The following RUNX1 variants were observed in gnomAD, a reference collection of about 807,000 sequenced individuals.
RUNX1 encodes the protein runt-related transcription factor 1.
RUNX1 carries 19 observed loss-of-function variants against 42.8 expected under a neutral mutation model. The observed-to-expected ratio is 0.44, with a 90% CI of 0.31 to 0.65. The LOEUF is 0.65. Ranked by LOEUF, RUNX1 falls within the 30% of genes least tolerant of loss-of-function variation. The pLI is 0.07. For synonymous variants in RUNX1, 271 were observed against 289.4 expected, an observed-to-expected ratio of 0.94 and a Z score of 0.64; for missense variants, 528 against 672.0, an observed-to-expected ratio of 0.79 and a Z score of 2.37.
rs2058003198 is a variant in RUNX1 at position 34,887,005 on chromosome 21, G to C, written c.189C>G (p.Ala63=). ...SEALPLGAPD[A]GAALAGKLRS... is the part of the protein sequence containing the mutation. Reference sequence around the variant, plus strand: ...TCAGCTTGCCGGCCAGGGCAGCGCCGGCGTCCGGGGCGCCCAGCGGCAACG... The same window carrying C: ...TCAGCTTGCCGGCCAGGGCAGCGCCCGCGTCCGGGGCGCCCAGCGGCAACG... The change falls in exon 4 of 9, where the codon GCC becomes GCG. Residue 63 remains alanine (A), a synonymous_variant. Transcript: ENST00000675419. The C allele has an allele frequency of 2.5e-6, 4 of 1,602,920 alleles. No homozygotes were observed. Among genetic ancestry groups the C allele is most frequent in the Non-Finnish European group, 3.4e-6 (4 of 1,177,774 alleles).
At chr21:35,002,430 T>A (rs868561408) in intron 2 of RUNX1, among the ~76,000 whole-genome samples, 4 of 148,226 alleles carry the variant, frequency 2.7e-5, no homozygotes, top group East Asian at 2.0e-4. Flanking sequence ...TTATTTATTA[T>A]TTATTTATTT....
chr21:34,976,349 C>A (rs749478375), intron 2 of RUNX1, among the ~76,000 whole-genome samples: 7 of 152,032 alleles, frequency 4.6e-5, no homozygotes, highest in Non-Finnish European at 1.0e-4. Context: ...CACTATCCTT[C>A]CAGGAGAAAA....
intron 2 of RUNX1, among the ~76,000 whole-genome samples, chr21:34,955,162 T>C (rs2058635506): frequency 6.6e-6 from 1 of 152,164 alleles, no homozygotes; most frequent in Admixed American, 6.5e-5. Context: ...ACAGGACTAT[T>C]ACACTGCAAA....
intron 7 of RUNX1, among the ~76,000 whole-genome samples, chr21:34,807,698 C>T (rs1330092669): frequency 6.6e-6 from 1 of 152,196 alleles, no homozygotes; most frequent in Non-Finnish European, 1.5e-5. Context: ...TGACTCAGGA[C>T]TCAGAGATGT....
intron 7 of RUNX1, among the ~76,000 whole-genome samples, chr21:34,809,325 T>C (rs1005838925): frequency 6.6e-6 from 1 of 152,066 alleles, no homozygotes; most frequent in African/African-American, 2.4e-5. Context: ...TTGAAAAACA[T>C]GAGCCAGAAA....
rs953704220 is a variant in RUNX1 at position 34,788,424 on chromosome 21, G to A, written c.*3711C>T. The A allele has an allele frequency of 4.3e-6, 1 of 232,874 alleles. No homozygotes were observed. Among genetic ancestry groups the A allele is most frequent in the Non-Finnish European group, 8.5e-6 (1 of 117,776 alleles). 14.4% of individuals were successfully genotyped at this position (232,874 alleles called of 1,614,324 possible). On this transcript the variant is annotated 3_prime_UTR_variant, in exon 9 of 9. Coordinates refer to ENST00000675419, the MANE Select transcript of RUNX1 (RefSeq NM_001754.5). ...TGAACTTAAAAAAAATTGGAACCAT[G>A]CTATTAGCTGTTTACAAAAGTGAAT... is the stretch of plus-strand genomic sequence containing the variant.
intron 2 of RUNX1, among the ~76,000 whole-genome samples, chr21:34,938,892 G>A (rs966715993): frequency 1.1e-4 from 16 of 152,050 alleles, no homozygotes; most frequent in African/African-American, 3.9e-4. Context: ...TGTGATCTTG[G>A]TTTTGTTACC....
At chr21:34,873,541 CCTCA>C (rs1264294523) in intron 5 of RUNX1, among the ~76,000 whole-genome samples, 6 of 152,370 alleles carry the variant, frequency 3.9e-5, no homozygotes, top group Admixed American at 2.0e-4. Context: ...ATGAATGCTT[CCTCA>C]CTAAGGAAAT....
At chr21:34,981,733 C>T (rs1430376769) in intron 2 of RUNX1, among the ~76,000 whole-genome samples, 1 of 152,136 alleles carries the variant, frequency 6.6e-6, no homozygotes, top group East Asian at 1.9e-4. Flanking sequence ...CTTGATTATT[C>T]AAATGTTCCA....
intron 3 of RUNX1, chr21:34,889,865 G>A (rs981875707): frequency 8.0e-5 from 87 of 1,085,846 alleles, no homozygotes; most frequent in Admixed American, 1.1e-4. Context: ...CCTCCCTGCC[G>A]GGCCCTGCAC....
intron 2 of RUNX1, among the ~76,000 whole-genome samples, chr21:34,955,105 T>C (rs1225753918): frequency 6.6e-6 from 1 of 152,154 alleles, no homozygotes; most frequent in African/African-American, 2.4e-5. Flanking sequence ...GGCAGTTTTT[T>C]ATTTTTCAAA....
At chr21:34,869,805 C>T (rs2057712857) in intron 5 of RUNX1, among the ~76,000 whole-genome samples, 2 of 152,200 alleles carry the variant, frequency 1.3e-5, no homozygotes, top group South Asian at 2.1e-4. Context: ...GAATGTGATG[C>T]TGCCAGGTGC....
Position 34,807,990 on chromosome 21 carries a change from G to A in RUNX1, c.806-8528C>T, listed in dbSNP as rs149256989. On this transcript the variant is annotated intron_variant, in intron 7 of 8. Coordinates refer to ENST00000675419, the MANE Select transcript of RUNX1 (RefSeq NM_001754.5). ...CCTCTGCAGCAGGGAGCAAAGCTCC[G>A]GCACAGCACAAGTAAGAAGAGCAGT... Among the ~76,000 whole-genome samples, 19 of 152,316 alleles carry A rather than the reference G, an allele frequency of 1.2e-4. No individual in the cohort carries two copies. The East Asian group carries it at 1.7e-3, about 14-fold the overall frequency.
At chr21:34,894,687 T>C (rs533564047) in intron 2 of RUNX1, among the ~76,000 whole-genome samples, 1 of 152,156 alleles carries the variant, frequency 6.6e-6, no homozygotes, top group Non-Finnish European at 1.5e-5. Context: ...GCTCTCTCTC[T>C]GTCTCTCTCT....
At chr21:34,875,365 G>C (rs2057799383) in intron 5 of RUNX1, among the ~76,000 whole-genome samples, 1 of 152,210 alleles carries the variant, frequency 6.6e-6, no homozygotes, top group Admixed American at 6.5e-5. Context: ...CCGTCGAAAA[G>C]CAGCATTTGT....
In RUNX1 at chr21:35,024,546, TAG is replaced by T. The variant is rs201760059; in HGVS notation, c.58+24294_58+24295del. ...ACCTCTGGGCATTCTTCAAAAGACT[TAG>T]AACTGACTTTTAACTCACTTTCTGC... On this transcript the variant is annotated intron_variant, in intron 2 of 8. Transcript: ENST00000675419. 7.9e-3 allele frequency among the ~76,000 whole-genome samples: 1,200 copies of T among 152,358 alleles called. 14 individuals carry two copies. The highest frequency in any genetic ancestry group is 0.027 in the African/African-American group (1,133 of 41,570).
chr21:35,019,161 C>G (rs2059180510), intron 2 of RUNX1, among the ~76,000 whole-genome samples: 1 of 152,248 alleles, frequency 6.6e-6, no homozygotes, highest in Non-Finnish European at 1.5e-5. Context: ...GCATCCCCTT[C>G]ATTTGAAGTG....
At chr21:34,927,911 G>A (rs952934182) in intron 2 of RUNX1, among the ~76,000 whole-genome samples, 1 of 152,128 alleles carries the variant, frequency 6.6e-6, no homozygotes, top group Non-Finnish European at 1.5e-5. Flanking sequence ...TATACTGCAC[G>A]TTATAATTGC....
intron 6 of RUNX1, among the ~76,000 whole-genome samples, chr21:34,841,766 A>C (rs1022485997): frequency 6.6e-6 from 1 of 152,076 alleles, no homozygotes; most frequent in Non-Finnish European, 1.5e-5. Flanking sequence ...CTGAAATGTC[A>C]TCTTCTCCCT....
Sources: gnomAD v4.1 joint callset for allele counts (sites outside exome capture counted in the v4.1 genomes callset) on GRCh38, gnomAD v4.1.1 for gene constraint, MANE v1.5 for transcripts, NCBI Gene and HGNC (gene_info 2026-07-23, HGNC 2026-07-21) for gene names.